The following SYBU variants were observed in gnomAD, a reference collection of about 807,000 sequenced individuals.
SYBU encodes the protein syntabulin.
SYBU carries 21 observed loss-of-function variants against 35.9 expected under a neutral mutation model. The observed-to-expected ratio is 0.58, with a 90% CI of 0.41 to 0.84. The LOEUF (loss-of-function observed/expected upper bound fraction) is 0.84, where lower values mean the gene tolerates loss of function less well. Among genes scored for constraint, SYBU ranks in the 40% least tolerant of loss-of-function variants. The probability of loss-of-function intolerance (pLI) is 0.00; values close to 1 mark genes in which losing one functional copy is unlikely to be tolerated. For synonymous variants in SYBU, 319 were observed against 324.3 expected, an observed-to-expected ratio of 0.98 and a Z score of 0.18; for missense variants, 768 against 848.2, an observed-to-expected ratio of 0.91 and a Z score of 1.17.
chr8:109,678,134 CAAAAAAAA>C (rs758399888), intron 1 of SYBU, among the ~76,000 whole-genome samples: 1,819 of 43,196 alleles, frequency 0.042, 34 homozygotes, highest in African/African-American at 0.11. Flanking sequence ...AACTCCACCT[CAAAAAAAA>C]AAAAAAAAAA....
chr8:109,690,683 A>G (rs995114377), intron 1 of SYBU, among the ~76,000 whole-genome samples: 13 of 152,192 alleles, frequency 8.5e-5, no homozygotes, highest in African/African-American at 2.2e-4. Context: ...AAGCTCACAG[A>G]TATCTTTTAC....
At chr8:109,620,803 T>C (rs1259145440) in intron 2 of SYBU, among the ~76,000 whole-genome samples, 1 of 152,180 alleles carries the variant, frequency 6.6e-6, no homozygotes, top group Non-Finnish European at 1.5e-5. Flanking sequence ...TGCCCTTGCC[T>C]TTCCCTTACA....
intron 1 of SYBU, among the ~76,000 whole-genome samples, chr8:109,663,258 C>CATACAGAT (rs1282405275): frequency 0.022 from 3,263 of 149,076 alleles, 117 homozygotes; most frequent in African/African-American, 0.071. Context: ...AAAATACATA[C>CATACAGAT]AGATAGATAG....
intron 2 of SYBU, among the ~76,000 whole-genome samples, chr8:109,623,959 G>A (rs1812707976): frequency 6.6e-6 from 1 of 151,982 alleles, no homozygotes; most frequent in African/African-American, 2.4e-5. Flanking sequence ...TTTGCTTTTT[G>A]TTTTATCAAA....
At chr8:109,606,248 A>G (rs550765168) in intron 3 of SYBU, among the ~76,000 whole-genome samples, 3 of 152,318 alleles carry the variant, frequency 2.0e-5, no homozygotes, top group East Asian at 3.9e-4. Context: ...GCTATTAGCT[A>G]ATGCCTCCCT....
upstream of SYBU, chr8:109,647,632 A>G (rs1358768194): frequency 6.6e-6 from 1 of 152,264 alleles, no homozygotes; most frequent in Admixed American, 6.5e-5. Context: ...AGTGAATTCT[A>G]TAACCCCATA....
chr8:109,588,378 T>A (rs940104497), intron 3 of SYBU, among the ~76,000 whole-genome samples: 2 of 152,226 alleles, frequency 1.3e-5, no homozygotes, highest in Non-Finnish European at 1.5e-5. Flanking sequence ...ATACTGACTT[T>A]TATGTATTTG....
chr8:109,640,476 T>G (rs1814732375), intron 2 of SYBU, among the ~76,000 whole-genome samples: 1 of 152,180 alleles, frequency 6.6e-6, no homozygotes, highest in Admixed American at 6.5e-5. Flanking sequence ...AACTGAGTTA[T>G]GTACACAAAG....
intron 3 of SYBU, among the ~76,000 whole-genome samples, chr8:109,586,819 G>T (rs1222264898): frequency 6.6e-6 from 1 of 152,190 alleles, no homozygotes; most frequent in East Asian, 1.9e-4. Flanking sequence ...TAGCTTCAGG[G>T]TGGGATTACA....
intron 3 of SYBU, among the ~76,000 whole-genome samples, chr8:109,607,685 A>T (rs1181437754): frequency 6.6e-6 from 1 of 152,234 alleles, no homozygotes; most frequent in Non-Finnish European, 1.5e-5. Context: ...AATGACAAAG[A>T]GTATTTAAAA....
At chr8:109,690,703 T>A (rs1435820630) in intron 1 of SYBU, among the ~76,000 whole-genome samples, 1 of 152,182 alleles carries the variant, frequency 6.6e-6, no homozygotes, top group Non-Finnish European at 1.5e-5. Flanking sequence ...CTGTACAATT[T>A]ACCTCTATTT....
At position 109,575,650 on chromosome 8, in the gene SYBU, C is replaced by T; in HGVS notation, c.1248G>A (p.Leu416=). 6.2e-7 allele frequency: 1 copy of T among 1,614,074 alleles called. No individual in the cohort carries two copies. The highest frequency in any genetic ancestry group is 2.2e-5 in the East Asian group (1 of 44,874). The stretch of plus-strand genomic sequence containing the variant: ...CCCCTTCCCCCGTGACCTGCTCTTC[C>T]AGAGATAACCCATCTGCCATTGTGT... The part of the protein sequence containing the change: ...PLDTMADGLS[L]EEQVTGEGAD... Residue 416 remains leucine (L), a synonymous_variant, in exon 7 of 7, where the codon CTG becomes CTA. Coordinates refer to ENST00000276646, the MANE Select transcript of SYBU (RefSeq NM_001099754.2).
At chr8:109,690,332 G>T (rs1346411162) in intron 1 of SYBU, among the ~76,000 whole-genome samples, 1 of 152,224 alleles carries the variant, frequency 6.6e-6, no homozygotes, top group African/African-American at 2.4e-5. Flanking sequence ...TGCCCCAAGG[G>T]CGCCCTATGG....
At chr8:109,623,540 T>C (rs987517263) in intron 2 of SYBU, among the ~76,000 whole-genome samples, 3 of 152,152 alleles carry the variant, frequency 2.0e-5, no homozygotes, top group African/African-American at 7.2e-5. Context: ...CATGCTAAGG[T>C]CTATAAAGAC....
intron 2 of SYBU, among the ~76,000 whole-genome samples, chr8:109,622,862 A>G (rs764498935): frequency 1.3e-5 from 2 of 152,206 alleles, no homozygotes; most frequent in East Asian, 3.9e-4. Context: ...ATGTGCCCCC[A>G]AAGTGTGGGA....
chr8:109,586,215 C>T (rs1019529768), intron 3 of SYBU, 53 bp from the exon 4 acceptor site: 1 of 1,361,454 alleles, frequency 7.3e-7, no homozygotes, highest in African/African-American at 1.4e-5. Context: ...CTAGAGAACA[C>T]ATTGGCCAGT....
At chr8:109,588,546 T>C (rs532162179) in intron 3 of SYBU, among the ~76,000 whole-genome samples, 1 of 152,306 alleles carries the variant, frequency 6.6e-6, no homozygotes, top group South Asian at 2.1e-4. Context: ...ACTATTTCAG[T>C]TCATGAATTT....
At chr8:109,590,345 T>A (rs931433081) in intron 3 of SYBU, among the ~76,000 whole-genome samples, 1 of 152,098 alleles carries the variant, frequency 6.6e-6, no homozygotes, top group Non-Finnish European at 1.5e-5. Context: ...CCCGTATAGG[T>A]ATTTATCTCA....
intron 2 of SYBU, among the ~76,000 whole-genome samples, chr8:109,623,505 A>G (rs568329882): frequency 6.6e-6 from 1 of 152,320 alleles, no homozygotes; most frequent in South Asian, 2.1e-4. Context: ...AATAGTTTCC[A>G]GATTGTCATC....
Sources: gnomAD v4.1 joint callset for allele counts (sites outside exome capture counted in the v4.1 genomes callset) on GRCh38, gnomAD v4.1.1 for gene constraint, MANE v1.5 for transcripts, NCBI Gene and HGNC (gene_info 2026-07-23, HGNC 2026-07-21) for gene names.